RTCB: variants seen among roughly 807,000 people sequenced by gnomAD.
The protein encoded by RTCB is RNA-splicing ligase RTCB.
Under a neutral mutation model 58.2 loss-of-function variants are expected in RTCB, and 32 were observed. That is an observed-to-expected ratio of 0.55 (90% confidence interval 0.41 to 0.74). RTCB has a LOEUF of 0.74. Ranked by LOEUF, RTCB falls within the 30% of genes least tolerant of loss-of-function variation. The probability of loss-of-function intolerance (pLI) is 0.00; values close to 1 mark genes in which losing one functional copy is unlikely to be tolerated. For synonymous variants in RTCB, 247 were observed against 218.6 expected, an observed-to-expected ratio of 1.13 and a Z score of -1.15; for missense variants, 523 against 639.0, an observed-to-expected ratio of 0.82 and a Z score of 1.96.
At chr22:32,398,905 C>A (rs1933288775) in intron 6 of RTCB, among the ~76,000 whole-genome samples, 1 of 152,156 alleles carries the variant, frequency 6.6e-6, no homozygotes, top group Non-Finnish European at 1.5e-5. Flanking sequence ...CTAGTTTTAA[C>A]CATCCCAGTT....
Position 32,399,708 on chromosome 22 carries a change from C to T in RTCB, c.549G>A (p.Gly183=), listed in dbSNP as rs781482685. ...GCTCCTTGTCTTCAGCCCAGGCATA[C>T]CCTTCTCTTAAGGACCAGTCCACCC... ...EMGVDWSLRE[G]YAWAEDKEHC... The change falls in exon 6 of 12, where the codon GGG becomes GGA. Residue 183 remains glycine (G), a synonymous_variant. Coordinates refer to ENST00000216038, the MANE Select transcript of RTCB (RefSeq NM_014306.5). 18 of 1,613,964 alleles carry T rather than the reference C, an allele frequency of 1.1e-5. No homozygotes were observed. In the Admixed American group the frequency reaches 1.2e-4, roughly 10 times the overall value.
chr22:32,394,113 T>TC (rs1491510915), intron 9 of RTCB, 111 bp from the exon 10 acceptor site: 2 of 640,398 alleles, frequency 3.1e-6, no homozygotes, highest in East Asian at 6.1e-5. Flanking sequence ...AACCCAGACT[T>TC]CTTTTTTTTT....
chr22:32,394,303 G>C lies in RTCB; in HGVS notation c.1180-301C>G, dbSNP rs1416178725. ...ATTTTTTGTATTTTTAGTAGAGGCG[G>C]AGTTTCACCATGTTAGCCAGGATGG... On this transcript the variant is annotated intron_variant, in intron 9 of 11. Coordinates refer to ENST00000216038, the MANE Select transcript of RTCB (RefSeq NM_014306.5). Among the ~76,000 whole-genome samples, 4 of 152,042 alleles carry C rather than the reference G, an allele frequency of 2.6e-5. No homozygotes were observed. In the South Asian group the frequency reaches 8.3e-4, roughly 31 times the overall value.
chr22:32,397,653 T>A (rs1933268382), intron 7 of RTCB, among the ~76,000 whole-genome samples: 1 of 152,228 alleles, frequency 6.6e-6, no homozygotes. Flanking sequence ...TAGTAACTCA[T>A]AAGAGTAAAC....
chr22:32,405,450 C>A (rs113602277), intron 4 of RTCB, among the ~76,000 whole-genome samples: 2 of 152,252 alleles, frequency 1.3e-5, no homozygotes, highest in African/African-American at 4.8e-5. Flanking sequence ...ATACTCTGCA[C>A]TGCTTGGCTG....
chr22:32,407,297 T>A (rs1445010299), intron 3 of RTCB: 2 of 154,078 alleles, frequency 1.3e-5, no homozygotes, highest in African/African-American at 4.8e-5. Flanking sequence ...AACTTCCTTA[T>A]ATACACAAGC....
intron 11 of RTCB, among the ~76,000 whole-genome samples, chr22:32,388,887 CCCTT>C (rs1933103927): frequency 6.6e-6 from 1 of 152,178 alleles, no homozygotes; most frequent in Admixed American, 6.5e-5. Flanking sequence ...TCCCCTCCCT[CCCTT>C]CTTCTTTGAA....
intron 6 of RTCB, among the ~76,000 whole-genome samples, chr22:32,398,343 C>G (rs911310333): frequency 6.6e-6 from 1 of 152,022 alleles, no homozygotes; most frequent in African/African-American, 2.4e-5. Flanking sequence ...ATATAAAAAA[C>G]TAACACAGGA....
Position 32,406,708 on chromosome 22 carries a change from G to A in RTCB, c.294C>T (p.Asn98=). 1 of 1,612,892 alleles carries A rather than the reference G, an allele frequency of 6.2e-7. No homozygotes were observed. Among genetic ancestry groups the A allele is most frequent in the African/African-American group, 1.3e-5 (1 of 74,970 alleles). ...VHSGYGFAIG[N]MAAFDMNDPE... is the part of the protein sequence containing the mutation. The stretch of plus-strand genomic sequence containing the variant: ...GGTCATTCATATCAAAGGCTGCCAT[G>A]TTCCCAATAGCAAACCCATATCCTG... Residue 98 remains asparagine, a synonymous_variant, in exon 4 of 12, where the codon AAC becomes AAT. Transcript: ENST00000216038.
rs765841456 is a variant in RTCB, at chr22:32,399,810, A to C, written c.498-51T>G. On this transcript the variant is annotated intron_variant, in intron 5 of 11. Coordinates refer to ENST00000216038, the MANE Select transcript of RTCB (RefSeq NM_014306.5). ...CATCTCACAGCAAAGGCAGATCAAA[A>C]CCTAAGGATGACCACATCCTTAAAG... The C allele has an allele frequency of 5.2e-6, 8 of 1,533,326 alleles. No homozygotes were observed. In the East Asian group the frequency reaches 1.8e-4, roughly 35 times the overall value. The allele number at this position is 1,533,326 out of a possible 1,614,324, so 95.0% of individuals were successfully genotyped here. A position where few individuals can be genotyped will look rare whatever the true frequency, so the allele number is the denominator to read the frequency against.
intron 11 of RTCB, among the ~76,000 whole-genome samples, chr22:32,389,184 C>T (rs1173814143): frequency 6.6e-6 from 1 of 152,156 alleles, no homozygotes; most frequent in South Asian, 2.1e-4. Context: ...TACTACTTGG[C>T]GATTTCTAGC....
At chr22:32,400,805 AT>A (rs1188201314) in intron 5 of RTCB, among the ~76,000 whole-genome samples, 2 of 152,204 alleles carry the variant, frequency 1.3e-5, no homozygotes, top group Non-Finnish European at 2.9e-5. Context: ...ATAAAGCAAA[AT>A]ATTAAAGAAA....
At chr22:32,403,577 A>G (rs1933373061) in intron 4 of RTCB, among the ~76,000 whole-genome samples, 1 of 152,118 alleles carries the variant, frequency 6.6e-6, no homozygotes, top group African/African-American at 2.4e-5. Flanking sequence ...GAAAATGTCA[A>G]GTACACAATA....
rs869116020 is a variant in RTCB at position 32,409,818 on chromosome 22, C to CTT, written c.94-987_94-986dup. On this transcript the variant is annotated intron_variant, in intron 1 of 11. Transcript: ENST00000216038. Reference sequence around the variant, plus strand: ...CAGTACACAATACAGCTCTTATATACTTTTGTTTTTTTTTTTTGAGACTGA... The same window carrying CTT: ...CAGTACACAATACAGCTCTTATATACTTTTTTGTTTTTTTTTTTTGAGACTGA... Among the ~76,000 whole-genome samples the CTT allele has an allele frequency of 8.5e-3, 726 of 85,804 alleles. 14 individuals are homozygous for CTT. The highest frequency in any genetic ancestry group is 0.031 in the African/African-American group (675 of 21,826). 56.3% of individuals were successfully genotyped at this position (85,804 alleles called of 152,430 possible). A position where few individuals can be genotyped will look rare whatever the true frequency, so the allele number is the denominator to read the frequency against.
In RTCB at chr22:32,397,962, A is replaced by G; in HGVS notation, c.793T>C (p.Leu265=). ...CVMIHSGSRG[L]GHQVATDALV... ...ATACCTGTGGCTACTTGGTGGCCCA[A>G]GCCTCTGCTTCCACTGTGGATCATC... Residue 265 remains leucine (L), a synonymous_variant, in exon 7 of 12, where the codon TTG becomes CTG. Coordinates refer to ENST00000216038, the MANE Select transcript of RTCB (RefSeq NM_014306.5). The G allele has an allele frequency of 6.2e-7, 1 of 1,613,426 alleles. No individual in the cohort carries two copies. Among genetic ancestry groups the G allele is most frequent in the East Asian group, 2.2e-5 (1 of 44,878 alleles).
intron 10 of RTCB, 52 bp downstream of exon 10, chr22:32,393,840 A>T: frequency 7.8e-7 from 1 of 1,282,610 alleles, no homozygotes; most frequent in Non-Finnish European, 1.1e-6. Flanking sequence ...AAAATGGAAA[A>T]CCATAGCTAA....
chr22:32,392,541 A>G (rs1284170242), intron 10 of RTCB, 182 bp from the exon 11 acceptor site: 1 of 806,934 alleles, frequency 1.2e-6, no homozygotes, highest in Non-Finnish European at 2.1e-6. Context: ...CTTTGTTGGG[A>G]GGCTGTCCTA....
chr22:32,404,151 T>C (rs1217298642), intron 4 of RTCB, among the ~76,000 whole-genome samples: 2 of 152,242 alleles, frequency 1.3e-5, no homozygotes, highest in Non-Finnish European at 2.9e-5. Context: ...TGGATACTGA[T>C]TTCATTTCCT....
chr22:32,394,464 T>G (rs1164090918), intron 9 of RTCB, among the ~76,000 whole-genome samples: 3 of 152,180 alleles, frequency 2.0e-5, no homozygotes, highest in Non-Finnish European at 2.9e-5. Context: ...AAGATAGTAC[T>G]TTGATTCTTT....
Sources: allele counts gnomAD v4.1 joint callset (sites outside exome capture counted in the v4.1 genomes callset), GRCh38; gene constraint gnomAD v4.1.1; transcripts MANE v1.5; gene names NCBI Gene and HGNC (gene_info 2026-07-23, HGNC 2026-07-21).